The following ULK4 variants were observed in gnomAD, a reference collection of about 807,000 sequenced individuals.
ULK4 encodes inactive serine/threonine-protein kinase ULK4.
Under a neutral mutation model 160.6 loss-of-function variants are expected in ULK4, and 133 were observed. The ratio of observed to expected loss-of-function variants is 0.83; its 90% CI spans 0.72 to 0.96. The LOEUF is 0.96. Among genes scored for constraint, ULK4 ranks in the 40% least tolerant of loss-of-function variants. ULK4 has a pLI of 0.00. For synonymous variants in ULK4, 534 were observed against 539.8 expected, an observed-to-expected ratio of 0.99 and a Z score of 0.15; for missense variants, 1,580 against 1,499.5, an observed-to-expected ratio of 1.05 and a Z score of -0.89.
In ULK4 at chr3:41,246,963, A is replaced by G. The variant is rs1317909195; in HGVS notation, c.3794T>C (p.Leu1265Ser). Residue 1265 changes from leucine to serine, a missense_variant, in exon 37 of 37, where the codon TTG (leucine) becomes TCG (serine). Coordinates refer to ENST00000301831, the MANE Select transcript of ULK4 (RefSeq NM_017886.4). ...AACGGCTTGGAGGATTTCCAGGGCC[A>G]AGGGAGCCACCGCACTGTCGGCAAA... Reference protein sequence around the residue: ...GSFADSAVAPLALEILQAVGH With the variant: ...GSFADSAVAPSALEILQAVGH 6.2e-7 allele frequency: 1 copy of G among 1,613,798 alleles called. No homozygotes were observed. Among genetic ancestry groups the G allele is most frequent in the African/African-American group, 1.3e-5 (1 of 74,954 alleles).
intron 30 of ULK4, among the ~76,000 whole-genome samples, chr3:41,630,188 C>T (rs575669374): frequency 2.6e-5 from 4 of 152,292 alleles, no homozygotes; most frequent in Admixed American, 1.3e-4. Context: ...GGTCAGAAGT[C>T]CATCTCAGCA....
chr3:41,410,353 A>G (rs1355329775), intron 34 of ULK4, among the ~76,000 whole-genome samples: 1 of 152,242 alleles, frequency 6.6e-6, no homozygotes, highest in Non-Finnish European at 1.5e-5. Flanking sequence ...AATAATAAGG[A>G]ATGAAGCACT....
Position 41,738,881 on chromosome 3 carries a change from C to T in ULK4, c.2321+15480G>A, listed in dbSNP as rs139149551. Among the ~76,000 whole-genome samples the T allele has an allele frequency of 3.3e-5, 5 of 152,022 alleles. No individual in the cohort carries two copies. In the East Asian group the frequency reaches 5.8e-4, roughly 18 times the overall value. ...AAGTAAAGGCTCTGCAGCAATTCTA[C>T]AAGCTGCTGGGCCACTCAGGCCTTA... On this transcript the variant is annotated intron_variant, in intron 22 of 36. Coordinates refer to ENST00000301831, the MANE Select transcript of ULK4 (RefSeq NM_017886.4).
At chr3:41,749,336 A>G (rs762405988) in intron 22 of ULK4, among the ~76,000 whole-genome samples, 40 of 152,138 alleles carry the variant, frequency 2.6e-4, no homozygotes, top group Non-Finnish European at 5.4e-4. Context: ...TACAAAAATT[A>G]GTCAGGCATG....
intron 30 of ULK4, among the ~76,000 whole-genome samples, chr3:41,626,051 T>C (rs968256049): frequency 6.6e-6 from 1 of 152,230 alleles, no homozygotes; most frequent in Non-Finnish European, 1.5e-5. Context: ...GTTTCCCCTT[T>C]AATGGTGCCA....
intron 32 of ULK4, among the ~76,000 whole-genome samples, chr3:41,552,388 G>T (rs758844568): frequency 6.6e-6 from 1 of 151,700 alleles, no homozygotes; most frequent in Non-Finnish European, 1.5e-5. Context: ...AAAACCTCTT[G>T]GATCTGATAA....
At chr3:41,637,043 T>C (rs2033985343) in intron 30 of ULK4, among the ~76,000 whole-genome samples, 1 of 152,230 alleles carries the variant, frequency 6.6e-6, no homozygotes, top group Admixed American at 6.5e-5. Context: ...ATCAAGCTCA[T>C]TAATATATAC....
At chr3:41,313,338 G>A (rs1002664304) in intron 35 of ULK4, among the ~76,000 whole-genome samples, 5 of 152,288 alleles carry the variant, frequency 3.3e-5, no homozygotes, top group African/African-American at 1.2e-4. Flanking sequence ...TATGTAATGT[G>A]CTTAAATCAG....
At chr3:41,664,358 G>A (rs752002813) in intron 29 of ULK4, among the ~76,000 whole-genome samples, 17 of 152,130 alleles carry the variant, frequency 1.1e-4, no homozygotes, top group African/African-American at 3.1e-4. Context: ...AAGGGTGCAC[G>A]CGGAGGACTA....
intron 21 of ULK4, among the ~76,000 whole-genome samples, chr3:41,762,759 T>C (rs1575664672): frequency 1.3e-5 from 2 of 149,072 alleles, no homozygotes; most frequent in South Asian, 4.3e-4. Flanking sequence ...GCCTCCCAGG[T>C]TCACGCCATT....
At chr3:41,960,367 TTC>T (rs71988873) in intron 1 of ULK4, among the ~76,000 whole-genome samples, 6,818 of 146,428 alleles carry the variant, frequency 0.047, 432 homozygotes, top group African/African-American at 0.16. Flanking sequence ...TCAAATGATT[TTC>T]TTTTTTTTTT....
chr3:41,384,089 G>T (rs980121585), intron 35 of ULK4, among the ~76,000 whole-genome samples: 1 of 152,154 alleles, frequency 6.6e-6, no homozygotes, highest in Non-Finnish European at 1.5e-5. Flanking sequence ...CACCTGCATA[G>T]TGGAGACATG....
At chr3:41,710,955 G>A (rs1447065658) in intron 25 of ULK4, among the ~76,000 whole-genome samples, 2 of 152,158 alleles carry the variant, frequency 1.3e-5, no homozygotes, top group Non-Finnish European at 2.9e-5. Context: ...GAGTTGGGGA[G>A]GAGAGGAAAT....
At chr3:41,935,016 A>AT (rs1699715544) in intron 4 of ULK4, among the ~76,000 whole-genome samples, 3 of 74,248 alleles carry the variant, frequency 4.0e-5, no homozygotes, top group Non-Finnish European at 2.9e-5. Context: ...TTTATTTATT[A>AT]ATTTTTTTTT....
chr3:41,593,823 G>A (rs1559419593), intron 31 of ULK4, among the ~76,000 whole-genome samples: 1 of 152,088 alleles, frequency 6.6e-6, no homozygotes, highest in African/African-American at 2.4e-5. Flanking sequence ...CTTGAGCTCA[G>A]AAGCTCAGAC....
At chr3:41,575,783 G>C (rs942128397) in intron 31 of ULK4, among the ~76,000 whole-genome samples, 1 of 152,210 alleles carries the variant, frequency 6.6e-6, no homozygotes, top group Non-Finnish European at 1.5e-5. Context: ...AATGCGCTGC[G>C]AATGCCCTTC....
chr3:41,421,274 G>T (rs1692815347), intron 34 of ULK4, among the ~76,000 whole-genome samples: 1 of 151,854 alleles, frequency 6.6e-6, no homozygotes, highest in Non-Finnish European at 1.5e-5. Flanking sequence ...AATGATTTTA[G>T]ACTGCAGATT....
Position 41,800,355 on chromosome 3 carries a change from T to C in ULK4, c.1849-62A>G. On this transcript the variant is annotated intron_variant, in intron 19 of 36. Coordinates refer to ENST00000301831, the MANE Select transcript of ULK4 (RefSeq NM_017886.4). ...GAAATAAATACATGTTATTTCTTTA[T>C]GACCATTGTAAATAATGTTATGATA... is the stretch of plus-strand genomic sequence containing the variant. 16 of 1,499,672 alleles carry C rather than the reference T, an allele frequency of 1.1e-5. No individual in the cohort carries two copies. In the South Asian group the frequency reaches 1.9e-4, roughly 18 times the overall value. The allele number at this position is 1,499,672 out of a possible 1,614,324, so 92.9% of individuals were successfully genotyped here.
chr3:41,553,232 CAAA>C (rs2087144807), intron 32 of ULK4, among the ~76,000 whole-genome samples: 1 of 151,892 alleles, frequency 6.6e-6, no homozygotes, highest in African/African-American at 2.4e-5. Context: ...GCACAGGCAA[CAAA>C]AACAAAAATA....
Sources: allele counts gnomAD v4.1 joint callset (sites outside exome capture counted in the v4.1 genomes callset), GRCh38; gene constraint gnomAD v4.1.1; transcripts MANE v1.5; gene names NCBI Gene and HGNC (gene_info 2026-07-23, HGNC 2026-07-21).